The following DACH1 variants were observed in gnomAD, a reference collection of about 807,000 sequenced individuals.
The protein encoded by DACH1 is dachshund family transcription factor 1.
Under a neutral mutation model 54.2 loss-of-function variants are expected in DACH1, and 12 were observed. The ratio of observed to expected loss-of-function variants is 0.22; its 90% CI spans 0.14 to 0.36. The LOEUF is 0.36. Among genes scored for constraint, DACH1 ranks in the 10% least tolerant of loss-of-function variants. The probability of loss-of-function intolerance (pLI) is 1.00; values close to 1 mark genes in which losing one functional copy is unlikely to be tolerated. For synonymous variants in DACH1, 386 were observed against 366.2 expected (o/e 1.05, Z -0.62); for missense variants, 805 against 929.8 (o/e 0.87, Z 1.75).
At chr13:71,511,061 G>A (rs750678632) in intron 6 of DACH1, among the ~76,000 whole-genome samples, 16 of 151,906 alleles carry the variant, frequency 1.1e-4, no homozygotes, top group Non-Finnish European at 2.2e-4. Context: ...ACAGCACTAC[G>A]TTATGTGCTT....
chr13:71,613,490 C>G (rs570589123), intron 3 of DACH1, among the ~76,000 whole-genome samples: 1 of 151,952 alleles, frequency 6.6e-6, no homozygotes, highest in Non-Finnish European at 1.5e-5. Flanking sequence ...TGTTGCAAGG[C>G]GAGAGGATTT....
chr13:71,541,549 C>A (rs1883127579), intron 6 of DACH1, among the ~76,000 whole-genome samples: 2 of 152,068 alleles, frequency 1.3e-5, no homozygotes, highest in Non-Finnish European at 2.9e-5. Context: ...AAGAAGCACA[C>A]TGGACTTGCG....
intron 2 of DACH1, among the ~76,000 whole-genome samples, chr13:71,633,701 A>G (rs1423978632): frequency 6.6e-6 from 1 of 152,206 alleles, no homozygotes; most frequent in Non-Finnish European, 1.5e-5. Flanking sequence ...GAAAGCAGAA[A>G]GCAAGCTATG....
At chr13:71,775,143 T>C (rs975893806) in intron 1 of DACH1, among the ~76,000 whole-genome samples, 3 of 138,122 alleles carry the variant, frequency 2.2e-5, no homozygotes, top group African/African-American at 2.8e-5. Context: ...TTTTTTTTTT[T>C]TTTTTTTTTT....
At chr13:71,580,535 C>T (rs1872759232) in intron 3 of DACH1, among the ~76,000 whole-genome samples, 1 of 152,092 alleles carries the variant, frequency 6.6e-6, no homozygotes, top group South Asian at 2.1e-4. Flanking sequence ...TGGTTTTATA[C>T]AATGTTATCA....
intron 8 of DACH1, among the ~76,000 whole-genome samples, chr13:71,477,097 T>C (rs1426576011): frequency 1.9e-5 from 1 of 52,670 alleles, no homozygotes; most frequent in East Asian, 3.5e-4. Flanking sequence ...TATATATATA[T>C]ATATATATTT....
At chr13:71,829,784 A>G (rs1294793301) in intron 1 of DACH1, among the ~76,000 whole-genome samples, 2 of 151,964 alleles carry the variant, frequency 1.3e-5, no homozygotes, top group Non-Finnish European at 2.9e-5. Context: ...TTGTTTGTCT[A>G]CCTTAACCAG....
At chr13:71,649,432 C>T (rs1878521452) in intron 2 of DACH1, among the ~76,000 whole-genome samples, 1 of 152,138 alleles carries the variant, frequency 6.6e-6, no homozygotes, top group Admixed American at 6.5e-5. Flanking sequence ...AGAAAAGTCA[C>T]TTAACTGCCC....
At chr13:71,779,423 T>C (rs1886272645) in intron 1 of DACH1, among the ~76,000 whole-genome samples, 1 of 150,966 alleles carries the variant, frequency 6.6e-6, no homozygotes, top group Non-Finnish European at 1.5e-5. Flanking sequence ...AGAACAGCTA[T>C]ACCCTTTTAA....
chr13:71,563,804 CAAAG>C (rs1200471287), intron 4 of DACH1, among the ~76,000 whole-genome samples: 3 of 151,244 alleles, frequency 2.0e-5, no homozygotes, highest in Non-Finnish European at 4.4e-5. Context: ...TGTTCAAGAA[CAAAG>C]GATACAAAAA....
chr13:71,754,497 A>C (rs1885059417), intron 1 of DACH1, among the ~76,000 whole-genome samples: 1 of 152,150 alleles, frequency 6.6e-6, no homozygotes, highest in South Asian at 2.1e-4. Context: ...ACTATGAAGT[A>C]GGTCAGCACT....
At chr13:71,634,863 T>C (rs1464837509) in intron 2 of DACH1, among the ~76,000 whole-genome samples, 1 of 152,166 alleles carries the variant, frequency 6.6e-6, no homozygotes, top group African/African-American at 2.4e-5. Context: ...TGCAACTGTA[T>C]ATATCTGGTT....
In DACH1 at chr13:71,540,527, T is replaced by C. The variant is rs1027138030; in HGVS notation, c.1570+16497A>G. On this transcript the variant is annotated intron_variant, in intron 6 of 10. Transcript: ENST00000613252. ...ATTACAAATGCCTTTGGTCATGTCATTCTTAGGATGGATATTATATGTGGG... is the reference window on the plus strand; with the variant it reads ...ATTACAAATGCCTTTGGTCATGTCACTCTTAGGATGGATATTATATGTGGG... Among the ~76,000 whole-genome samples the C allele has an allele frequency of 3.3e-5, 5 of 152,248 alleles. No individual in the cohort carries two copies. The Middle Eastern group carries it at 0.01, about 311-fold the overall frequency.
chr13:71,863,416 C>A (rs577788139), intron 1 of DACH1, among the ~76,000 whole-genome samples: 77 of 152,230 alleles, frequency 5.1e-4, no homozygotes, highest in African/African-American at 1.8e-3. Context: ...ACTAAATCAA[C>A]AAACTTCCCG....
At chr13:71,513,811 T>C (rs781746933) in intron 6 of DACH1, among the ~76,000 whole-genome samples, 1 of 152,050 alleles carries the variant, frequency 6.6e-6, no homozygotes, top group Non-Finnish European at 1.5e-5. Context: ...CTCCACCCAG[T>C]CCATATGGTA....
chr13:71,475,841 G>A lies in DACH1; in HGVS notation c.1879C>T (p.Gln627Ter). The A allele has an allele frequency of 6.2e-7, 1 of 1,606,836 alleles. No homozygotes were observed. The part of the protein sequence containing the change: ...AMEQKNRAIV[Q>*]KRLKKEKKAK... ...TTCTTCTCCTTCTTTAGCCTCTTTT[G>A]AACTATGGCTAAAAAAGAGTGTATG... The change falls in exon 9 of 11, where the codon CAA becomes TAA. Residue 627 changes from glutamine (Q) to a stop codon, truncating the protein, a stop_gained. Transcript: ENST00000613252. LOFTEE classifies it high-confidence loss of function.
intron 1 of DACH1, among the ~76,000 whole-genome samples, chr13:71,786,355 T>C (rs978097655): frequency 6.6e-6 from 1 of 152,086 alleles, no homozygotes; most frequent in African/African-American, 2.4e-5. Flanking sequence ...TTGCATCCCA[T>C]CAGGATGGAA....
chr13:71,440,560 C>T lies in DACH1; in HGVS notation c.*95G>A, dbSNP rs1002530764. On this transcript the variant is annotated 3_prime_UTR_variant, in exon 11 of 11. Transcript: ENST00000613252. ...TAATACACAAAATTCAGGAAGTTCC[C>T]TTAAAAGGACTTTATTTTTTTCTGA... The T allele has an allele frequency of 2.0e-6, 2 of 981,944 alleles. No homozygotes were observed. The highest frequency in any genetic ancestry group is 3.4e-5 in the African/African-American group (2 of 58,948). The allele number at this position is 981,944 out of a possible 1,614,324, so 60.8% of individuals were successfully genotyped here. A position where few individuals can be genotyped will look rare whatever the true frequency, so the allele number is the denominator to read the frequency against.
At chr13:71,776,488 A>G (rs1473406595) in intron 1 of DACH1, among the ~76,000 whole-genome samples, 1 of 152,102 alleles carries the variant, frequency 6.6e-6, no homozygotes, top group Non-Finnish European at 1.5e-5. Context: ...TTTTCTTAAT[A>G]TATTGATTAA....
Sources: gnomAD v4.1 joint callset for allele counts (sites outside exome capture counted in the v4.1 genomes callset) on GRCh38, gnomAD v4.1.1 for gene constraint, MANE v1.5 for transcripts, NCBI Gene and HGNC (gene_info 2026-07-23, HGNC 2026-07-21) for gene names.